The following TRIM26 variants were observed in gnomAD, a reference collection of about 807,000 sequenced individuals.
TRIM26 encodes the protein tripartite motif-containing protein 26.
Under a neutral mutation model 45.5 loss-of-function variants are expected in TRIM26, and 16 were observed. The observed-to-expected ratio is 0.35, with a 90% confidence interval of 0.24 to 0.53. The LOEUF is 0.53. Among genes scored for constraint, TRIM26 ranks in the 20% least tolerant of loss-of-function variants. TRIM26 has a pLI of 0.92. For synonymous variants in TRIM26, 273 were observed against 290.4 expected (o/e 0.94, Z 0.61); for missense variants, 442 against 691.1 (o/e 0.64, Z 4.04).
At position 30,190,006 on chromosome 6, in the gene TRIM26, C is replaced by G. The variant is rs1562191919; in HGVS notation, c.788+7G>C. 2.5e-6 allele frequency: 4 copies of G among 1,612,942 alleles called. No homozygotes were observed. Among genetic ancestry groups the G allele is most frequent in the Non-Finnish European group, 3.4e-6 (4 of 1,179,936 alleles). On this transcript the variant is annotated splice_region_variant and intron_variant, in intron 7 of 9. Transcript: ENST00000454678. This position sits in a 1 kb window ranked among gnomAD's most constrained non-coding sequence, Gnocchi z 4.3. ...TGAGGTACGCCATGGAGAGGAGACT[C>G]TTTTACCTGTTTAGGAAGTCTCTCG... is the stretch of plus-strand genomic sequence containing the variant.
chr6:30,211,409 TG>T (rs140689152), intron 1 of TRIM26, among the ~76,000 whole-genome samples: 19 of 152,250 alleles, frequency 1.2e-4, no homozygotes, highest in Admixed American at 9.2e-4. Flanking sequence ...ATTCTGATCC[TG>T]GGGGGGTCCA....
intron 3 of TRIM26, 32 bp from the exon 4 acceptor site, chr6:30,199,296 G>A (rs369051802): frequency 1.9e-6 from 1 of 522,716 alleles, no homozygotes; most frequent in Non-Finnish European, 3.4e-6. Flanking sequence ...AACGAGAAGA[G>A]GACCTTATAG....
At position 30,190,695 on chromosome 6, in the gene TRIM26, A is replaced by G. The variant is rs1775742548; in HGVS notation, c.766-660T>C. Among the ~76,000 whole-genome samples the G allele has an allele frequency of 6.6e-6, 1 of 152,234 alleles. No homozygotes were observed. On this transcript the variant is annotated intron_variant, in intron 6 of 9. Coordinates refer to ENST00000454678, the MANE Select transcript of TRIM26 (RefSeq NM_003449.5). The surrounding 1 kb of genome is among the most constrained non-coding windows in gnomAD (Gnocchi z 4.3). ...ATTCTGGGCATTGTCCTTTAAAAAAAGAAAATTGCTTTCTACTTCCTTTTT... is the reference window on the plus strand; with the variant it reads ...ATTCTGGGCATTGTCCTTTAAAAAAGGAAAATTGCTTTCTACTTCCTTTTT...
rs902695228 is a variant in TRIM26 at position 30,208,910 on chromosome 6, G to C, written c.-375-4145C>G. On this transcript the variant is annotated intron_variant, in intron 1 of 9. Transcript: ENST00000454678. ...GGAGGATGGGATATAGAATATGTGTGTGTGTGTGTGTGTGTGTGTGTGTGT... is the reference window on the plus strand; with the variant it reads ...GGAGGATGGGATATAGAATATGTGTCTGTGTGTGTGTGTGTGTGTGTGTGT... Among the ~76,000 whole-genome samples the C allele has an allele frequency of 7.2e-3, 849 of 117,180 alleles. 5 individuals are homozygous for C. The highest frequency in any genetic ancestry group is 0.016 in the Middle Eastern group (3 of 186). 76.9% of individuals were successfully genotyped at this position (117,180 alleles called of 152,430 possible).
intron 1 of TRIM26, among the ~76,000 whole-genome samples, chr6:30,208,289 G>A (rs927653879): frequency 1.4e-4 from 22 of 152,322 alleles, no homozygotes; most frequent in African/African-American, 5.1e-4. Flanking sequence ...AGCAAGAACA[G>A]TGGGCTGCAC....
At chr6:30,205,032 G>A (rs1419908882) in intron 1 of TRIM26, among the ~76,000 whole-genome samples, 3 of 152,082 alleles carry the variant, frequency 2.0e-5, no homozygotes, top group East Asian at 1.9e-4. Context: ...ACCTGAGATC[G>A]GGAGTTTGAG....
chr6:30,193,108 ATATATATGTG>A (rs1562199058), intron 6 of TRIM26, among the ~76,000 whole-genome samples: 2 of 110,970 alleles, frequency 1.8e-5, no homozygotes, highest in Admixed American at 9.4e-5. Context: ...ATCTATATAC[ATATATATGTG>A]TATATATATA....
At chr6:30,208,692 T>C (rs1184114281) in intron 1 of TRIM26, among the ~76,000 whole-genome samples, 1 of 152,128 alleles carries the variant, frequency 6.6e-6, no homozygotes, top group Admixed American at 6.6e-5. Context: ...TTACAAACAC[T>C]GCTTCAGTGA....
chr6:30,200,245 ACACTC>A (rs1176582061), intron 3 of TRIM26, among the ~76,000 whole-genome samples: 1 of 152,156 alleles, frequency 6.6e-6, no homozygotes, highest in African/African-American at 2.4e-5. Context: ...TTGTACTACT[ACACTC>A]CAGACTGGGC....
At chr6:30,199,385 C>G in intron 3 of TRIM26, 121 bp from the exon 4 acceptor site, 1 of 401,962 alleles carries the variant, frequency 2.5e-6, no homozygotes, top group Non-Finnish European at 4.4e-6. Flanking sequence ...AAGAGCAGGA[C>G]AGCCACTAGC....
chr6:30,188,369 T>C (rs933271065), intron 9 of TRIM26: 11 of 430,848 alleles, frequency 2.6e-5, no homozygotes, highest in African/African-American at 4.1e-5. Context: ...GCCTGCTCTG[T>C]AAGATGGTTC....
chr6:30,186,251 A>G lies in TRIM26; in HGVS notation c.1245T>C (p.Asp415=). 6.2e-7 allele frequency: 1 copy of G among 1,602,218 alleles called. No homozygotes were observed. Among genetic ancestry groups the G allele is most frequent in the Non-Finnish European group, 8.5e-7 (1 of 1,174,328 alleles). Residue 415 remains aspartate (D), a synonymous_variant, in exon 10 of 10, where the codon GAT becomes GAC. Coordinates refer to ENST00000454678, the MANE Select transcript of TRIM26 (RefSeq NM_003449.5). The surrounding 1 kb of genome is among the most constrained non-coding windows in gnomAD (Gnocchi z 7.4). ...DGYDDWETDE[D]EESLGDEEEE... is the part of the protein sequence containing the mutation. ...CCTCTTCATCGCCCAACGATTCCTC[A>G]TCTTCGTCCGTTTCCCAGTCGTCAT... is the stretch of plus-strand genomic sequence containing the variant.
In TRIM26 at chr6:30,189,634, G is replaced by A; in HGVS notation, c.789-101C>T. The A allele has an allele frequency of 9.7e-7, 1 of 1,028,306 alleles. No individual in the cohort carries two copies. Among genetic ancestry groups the A allele is most frequent in the Non-Finnish European group, 1.5e-6 (1 of 677,714 alleles). 63.7% of individuals were successfully genotyped at this position (1,028,306 alleles called of 1,614,324 possible). A position where few individuals can be genotyped will look rare whatever the true frequency, so the allele number is the denominator to read the frequency against. On this transcript the variant is annotated intron_variant, in intron 7 of 9. Coordinates refer to ENST00000454678, the MANE Select transcript of TRIM26 (RefSeq NM_003449.5). This position sits in a 1 kb window ranked among gnomAD's most constrained non-coding sequence, Gnocchi z 5.0. ...TGGCAATTATGAAGGGGAGAGGAAA[G>A]GTATGATTATCCCCAAACAAGTGAC...
chr6:30,189,656 T>G lies in TRIM26; in HGVS notation c.789-123A>C, dbSNP rs1435541817. The G allele has an allele frequency of 1.5e-5, 13 of 872,548 alleles. No individual in the cohort carries two copies. The highest frequency in any genetic ancestry group is 2.3e-5 in the Non-Finnish European group (13 of 557,932). The allele number at this position is 872,548 out of a possible 1,614,324, so 54.1% of individuals were successfully genotyped here. A position where few individuals can be genotyped will look rare whatever the true frequency, so the allele number is the denominator to read the frequency against. On this transcript the variant is annotated intron_variant, in intron 7 of 9. Transcript: ENST00000454678. This position sits in a 1 kb window ranked among gnomAD's most constrained non-coding sequence, Gnocchi z 5.0. ...AAAGGTATGATTATCCCCAAACAAGTGACAGAAAAACAGTGGCCCAAAGAC... is the reference window on the plus strand; with the variant it reads ...AAAGGTATGATTATCCCCAAACAAGGGACAGAAAAACAGTGGCCCAAAGAC...
chr6:30,188,459 C>T (rs187052116), intron 9 of TRIM26: 1 of 271,808 alleles, frequency 3.7e-6, no homozygotes, highest in African/African-American at 2.3e-5. Flanking sequence ...TTAGAATAAC[C>T]TGATAGGTAA....
At position 30,198,651 on chromosome 6, in the gene TRIM26, G is replaced by A. The variant is rs1216231313; in HGVS notation, c.438+15C>T. 6.2e-7 allele frequency: 1 copy of A among 1,603,758 alleles called. No individual in the cohort carries two copies. Among genetic ancestry groups the A allele is most frequent in the Non-Finnish European group, 8.5e-7 (1 of 1,176,644 alleles). ...AGAAGGTGGCAAGGCACCCTCGGGG[G>A]TGAAGAGGGCTTACCCTGTGGGGCT... is the stretch of plus-strand genomic sequence containing the variant. On this transcript the variant is annotated intron_variant, in intron 4 of 9. Transcript: ENST00000454678. The surrounding 1 kb of genome is among the most constrained non-coding windows in gnomAD (Gnocchi z 6.3).
chr6:30,191,166 G>A (rs1425947699), intron 6 of TRIM26, among the ~76,000 whole-genome samples: 1 of 152,120 alleles, frequency 6.6e-6, no homozygotes, highest in African/African-American at 2.4e-5. Context: ...GGATAAACAA[G>A]AACAGAGCAT....
At position 30,198,311 on chromosome 6, in the gene TRIM26, C is replaced by T; in HGVS notation, c.534+118G>A. 16 of 1,086,990 alleles carry T rather than the reference C, an allele frequency of 1.5e-5. No homozygotes were observed. The South Asian group carries it at 1.8e-4, about 12-fold the overall frequency. 67.3% of individuals were successfully genotyped at this position (1,086,990 alleles called of 1,614,324 possible). On this transcript the variant is annotated intron_variant, in intron 5 of 9. Transcript: ENST00000454678. This position sits in a 1 kb window ranked among gnomAD's most constrained non-coding sequence, Gnocchi z 6.3. ...CAGGTCTGCTACTGCCAGGCTGACA[C>T]CCATCCTCCCTGTGAGCAGCGCCTA...
chr6:30,203,511 G>A (rs1000685797), intron 2 of TRIM26, among the ~76,000 whole-genome samples: 6 of 152,118 alleles, frequency 3.9e-5, no homozygotes, highest in African/African-American at 1.4e-4. Flanking sequence ...CGCTTGCCAG[G>A]TTCAAGCGAT....
Sources: allele counts gnomAD v4.1 joint callset (sites outside exome capture counted in the v4.1 genomes callset), GRCh38; gene constraint gnomAD v4.1.1; non-coding constraint Gnocchi (gnomAD v3.1); transcripts MANE v1.5; gene names NCBI Gene and HGNC (gene_info 2026-07-23, HGNC 2026-07-21).